The following GRIA4 variants were observed in gnomAD, a reference collection of about 807,000 sequenced individuals.
GRIA4 encodes glutamate ionotropic receptor AMPA type subunit 4.
A neutral mutation model predicts 104.0 loss-of-function variants in GRIA4; 34 were observed. The observed-to-expected ratio is 0.33, with a 90% CI of 0.25 to 0.44. The LOEUF is 0.44. GRIA4 is among the 20% of genes least tolerant of loss of function. The probability of loss-of-function intolerance (pLI) is 1.00; values close to 1 mark genes in which losing one functional copy is unlikely to be tolerated. For missense variants in GRIA4, 750 were observed against 1,096.5 expected, an observed-to-expected ratio of 0.68 and a Z score of 4.46; for synonymous variants, 386 against 381.9, an observed-to-expected ratio of 1.01 and a Z score of -0.13.
intron 3 of GRIA4, among the ~76,000 whole-genome samples, chr11:105,643,440 G>T (rs2135356983): frequency 6.6e-6 from 1 of 152,184 alleles, no homozygotes; most frequent in Non-Finnish European, 1.5e-5. Context: ...TATTTAACCA[G>T]CTTTAAAGCT....
rs375247322 is a variant in GRIA4 at position 105,898,375 on chromosome 11, G to A, written c.833G>A (p.Arg278His). The A allele has an allele frequency of 2.1e-5, 34 of 1,594,966 alleles. No individual in the cohort carries two copies. Among genetic ancestry groups the A allele is most frequent in the African/African-American group, 2.7e-5 (2 of 74,572 alleles). Residue 278 changes from arginine to histidine, a missense_variant, in exon 7 of 17, where the codon CGC (arginine) becomes CAC (histidine). Arg to His is a conservative substitution (Grantham distance 29). Around this residue, in one of 3 missense-constraint regions of GRIA4, gnomAD observed 410 missense variants for 502.7 expected, o/e 0.82. Coordinates refer to ENST00000282499, the MANE Select transcript of GRIA4 (RefSeq NM_000829.4). ...NTPMVIKLMD[R>H]WKKLDQREYP... Reference sequence around the variant, plus strand: ...CCTATGGTAATCAAACTAATGGATCGCTGGAAGAAACTAGATCAGAGAGAG... The same window carrying A: ...CCTATGGTAATCAAACTAATGGATCACTGGAAGAAACTAGATCAGAGAGAG...
At chr11:105,624,428 C>T (rs1950832866) in intron 3 of GRIA4, among the ~76,000 whole-genome samples, 1 of 152,062 alleles carries the variant, frequency 6.6e-6, no homozygotes, top group South Asian at 2.1e-4. Context: ...GCTGCTTCCT[C>T]AGTACTTCTT....
intron 16 of GRIA4, among the ~76,000 whole-genome samples, chr11:105,978,256 A>T (rs1277671909): frequency 6.6e-6 from 1 of 152,118 alleles, no homozygotes; most frequent in Non-Finnish European, 1.5e-5. Flanking sequence ...TCAACGGACT[A>T]ATAGAAGATA....
At chr11:105,861,557 C>A (rs887298501) in intron 4 of GRIA4, among the ~76,000 whole-genome samples, 1 of 152,046 alleles carries the variant, frequency 6.6e-6, no homozygotes, top group African/African-American at 2.4e-5. Flanking sequence ...TCAATAAATA[C>A]TGTTGTACTG....
chr11:105,912,643 T>G, intron 10 of GRIA4: 1 of 713,602 alleles, frequency 1.4e-6, no homozygotes, highest in South Asian at 6.4e-5. Flanking sequence ...TACTAGTATC[T>G]TTTTGTATGA....
intron 7 of GRIA4, among the ~76,000 whole-genome samples, chr11:105,901,440 G>A (rs184590498): frequency 6.6e-6 from 1 of 152,076 alleles, no homozygotes; most frequent in Admixed American, 6.5e-5. Flanking sequence ...TCACTTATCA[G>A]AGCAGTAAAT....
intron 4 of GRIA4, among the ~76,000 whole-genome samples, chr11:105,788,134 C>G (rs1280333039): frequency 6.6e-6 from 1 of 152,032 alleles, no homozygotes; most frequent in African/African-American, 2.4e-5. Flanking sequence ...TTGCAATATG[C>G]TGTATTACAA....
At chr11:105,934,052 T>C (rs1947959966) in intron 14 of GRIA4, 83 bp downstream of exon 14, 3 of 1,179,956 alleles carry the variant, frequency 2.5e-6, no homozygotes, top group Admixed American at 2.4e-5. Flanking sequence ...TTATTTTGTT[T>C]TGTGTGTGAA....
intron 4 of GRIA4, among the ~76,000 whole-genome samples, chr11:105,780,115 G>A (rs1202639661): frequency 3.3e-5 from 5 of 151,966 alleles, no homozygotes; most frequent in Non-Finnish European, 7.4e-5. Context: ...CTTCCCCCAC[G>A]CTTTTAAGCC....
intron 11 of GRIA4, among the ~76,000 whole-genome samples, chr11:105,919,958 A>C (rs538527031): frequency 2.0e-5 from 3 of 152,122 alleles, no homozygotes; most frequent in Non-Finnish European, 4.4e-5. Context: ...TTTAGAACAT[A>C]ACTGAAGTCC....
At chr11:105,876,610 C>A (rs1196555601) in intron 5 of GRIA4, among the ~76,000 whole-genome samples, 1 of 152,096 alleles carries the variant, frequency 6.6e-6, no homozygotes, top group African/African-American at 2.4e-5. Context: ...GTATTGGGTG[C>A]AAATATATTT....
chr11:105,777,970 T>A (rs893584380), intron 4 of GRIA4, among the ~76,000 whole-genome samples: 3 of 152,166 alleles, frequency 2.0e-5, no homozygotes, highest in African/African-American at 7.2e-5. Flanking sequence ...TTGGTCCTAC[T>A]TCTTCATTCT....
At chr11:105,727,715 C>T (rs1938308773) in intron 3 of GRIA4, among the ~76,000 whole-genome samples, 1 of 152,026 alleles carries the variant, frequency 6.6e-6, no homozygotes, top group East Asian at 1.9e-4. Flanking sequence ...GAGTGGGGGC[C>T]AATATTCAAC....
chr11:105,921,605 C>T lies in GRIA4; in HGVS notation c.1476+2687C>T, dbSNP rs909833075. On this transcript the variant is annotated intron_variant, in intron 11 of 16. Coordinates refer to ENST00000282499, the MANE Select transcript of GRIA4 (RefSeq NM_000829.4). Reference sequence around the variant, plus strand: ...CATGGATGTCACCACCTTCATACAACGTTCACTTTCTATGGCACTTAGTTT... The same window carrying T: ...CATGGATGTCACCACCTTCATACAATGTTCACTTTCTATGGCACTTAGTTT... Among the ~76,000 whole-genome samples, 6 of 152,092 alleles carry T rather than the reference C, an allele frequency of 3.9e-5. No individual in the cohort carries two copies. In the East Asian group the frequency reaches 5.8e-4, roughly 15 times the overall value.
intron 14 of GRIA4, among the ~76,000 whole-genome samples, chr11:105,948,143 C>T (rs1320243686): frequency 6.6e-6 from 1 of 152,168 alleles, no homozygotes; most frequent in Non-Finnish European, 1.5e-5. Context: ...ATAAGCAGCA[C>T]TGTTTTTACT....
intron 1 of GRIA4, 118 bp from the exon 2 acceptor site, chr11:105,610,790 G>A (rs1950450600): frequency 3.9e-6 from 2 of 512,078 alleles, no homozygotes; most frequent in South Asian, 2.6e-5. Context: ...GGCGGCTCGC[G>A]ATGGATTGCT....
chr11:105,711,463 TC>T (rs1953908188), intron 3 of GRIA4, among the ~76,000 whole-genome samples: 2 of 152,096 alleles, frequency 1.3e-5, no homozygotes, highest in Non-Finnish European at 2.9e-5. Context: ...AATTATTCCT[TC>T]ATATGATAGA....
intron 3 of GRIA4, among the ~76,000 whole-genome samples, chr11:105,688,182 CTATCTATT>C (rs779187891): frequency 9.5e-5 from 14 of 147,636 alleles, no homozygotes; most frequent in African/African-American, 2.8e-4. Context: ...ATCTATCTAT[CTATCTATT>C]TATCTATATG....
chr11:105,885,375 A>G (rs764693622), intron 5 of GRIA4, among the ~76,000 whole-genome samples: 19 of 152,218 alleles, frequency 1.2e-4, no homozygotes, highest in Admixed American at 2.0e-4. Context: ...ATTCTCAAGG[A>G]AAGTTCTATT....
Sources: gnomAD v4.1 joint callset for allele counts (sites outside exome capture counted in the v4.1 genomes callset) on GRCh38, gnomAD v4.1.1 for gene constraint, gnomAD v4.1.1 regional missense constraint, MANE v1.5 for transcripts, NCBI Gene and HGNC (gene_info 2026-07-23, HGNC 2026-07-21) for gene names.